Variants in SRFBP1 observed in about 807,000 individuals in gnomAD.
The protein encoded by SRFBP1 is serum response factor binding protein 1.
A neutral mutation model predicts 45.5 loss-of-function variants in SRFBP1; 47 were observed. That is an observed-to-expected ratio of 1.03 (90% confidence interval 0.82 to 1.32). SRFBP1 has a LOEUF of 1.32. SRFBP1 is among the 40% of genes most tolerant of loss of function. SRFBP1 has a pLI of 0.00. For synonymous variants in SRFBP1, 203 were observed against 166.3 expected, an observed-to-expected ratio of 1.22 and a Z score of -1.70; for missense variants, 621 against 484.6, an observed-to-expected ratio of 1.28 and a Z score of -2.64.
intron 1 of SRFBP1, among the ~76,000 whole-genome samples, chr5:121,965,445 G>C (rs1213808688): frequency 1.3e-5 from 2 of 152,166 alleles, no homozygotes; most frequent in Non-Finnish European, 2.9e-5. Context: ...ATTAAATAGG[G>C]AATCATTTCC....
chr5:122,066,829 A>G, intron 2 of SRFBP1: 1 of 913,780 alleles, frequency 1.1e-6, no homozygotes, highest in Non-Finnish European at 1.8e-6. Context: ...TTTAAAGTCA[A>G]CCTTTTAAAA....
chr5:122,072,794 G>A (rs140828694), intron 2 of SRFBP1, among the ~76,000 whole-genome samples: 12 of 152,190 alleles, frequency 7.9e-5, no homozygotes, highest in African/African-American at 2.9e-4. Context: ...CCCAAAGAAG[G>A]GGGGGAACCA....
chr5:122,050,490 A>C (rs576894211), intron 2 of SRFBP1, among the ~76,000 whole-genome samples: 1 of 152,238 alleles, frequency 6.6e-6, no homozygotes, highest in South Asian at 2.1e-4. Context: ...GTGTCCAGGA[A>C]TTTATCCATT....
At chr5:122,013,223 T>A (rs1488478233) in intron 4 of SRFBP1, among the ~76,000 whole-genome samples, 2 of 152,160 alleles carry the variant, frequency 1.3e-5, no homozygotes, top group East Asian at 3.8e-4. Context: ...TATATTTTGT[T>A]AAGTATTCTT....
intron 1 of SRFBP1, among the ~76,000 whole-genome samples, chr5:121,971,389 C>T (rs971752460): frequency 3.3e-5 from 5 of 151,992 alleles, no homozygotes; most frequent in Admixed American, 2.6e-4. Flanking sequence ...CCTCTAAAGA[C>T]CTTTAGGTGT....
intron 2 of SRFBP1, among the ~76,000 whole-genome samples, chr5:122,038,987 A>G (rs1230341495): frequency 6.6e-6 from 1 of 152,190 alleles, no homozygotes; most frequent in Admixed American, 6.5e-5. Context: ...AAAAATCTCC[A>G]AGAGGATGGC....
Position 122,074,116 on chromosome 5 carries a change from G to C in SRFBP1, n.312-1199G>C, listed in dbSNP as rs1754541782. On this transcript the variant is annotated intron_variant and non_coding_transcript_variant, in intron 2 of 2. Coordinates refer to the SRFBP1 transcript ENST00000504881. ...GTGGCCTTCAGCCACTCTCCTCTGG[G>C]TGTTGGCATCAAGCAGGTCATAGTG... The C allele has an allele frequency of 1.2e-6, 2 of 1,613,920 alleles. No individual in the cohort carries two copies. Among genetic ancestry groups the C allele is most frequent in the Admixed American group, 1.7e-5 (1 of 60,010 alleles).
intron 2 of SRFBP1, among the ~76,000 whole-genome samples, chr5:122,037,737 C>T (rs557338971): frequency 1.3e-5 from 2 of 151,976 alleles, no homozygotes; most frequent in South Asian, 4.2e-4. Context: ...AGGCTGATCT[C>T]AAACGCCTGG....
chr5:121,969,641 C>T (rs1405708319), intron 1 of SRFBP1, among the ~76,000 whole-genome samples: 1 of 151,992 alleles, frequency 6.6e-6, no homozygotes, highest in Non-Finnish European at 1.5e-5. Flanking sequence ...AATTTCTAGG[C>T]GATACTTCAC....
At chr5:122,035,432 CT>C (rs1390416076) in intron 2 of SRFBP1, among the ~76,000 whole-genome samples, 1 of 152,112 alleles carries the variant, frequency 6.6e-6, no homozygotes, top group African/African-American at 2.4e-5. Context: ...TAATCAAATA[CT>C]TCTTACCTTT....
chr5:121,965,616 G>C (rs1306395629), intron 1 of SRFBP1, among the ~76,000 whole-genome samples: 1 of 152,156 alleles, frequency 6.6e-6, no homozygotes, highest in Non-Finnish European at 1.5e-5. Flanking sequence ...TTTGAAGTCA[G>C]GTAGCATGAT....
At chr5:121,982,268 T>C (rs995660379) in intron 3 of SRFBP1, among the ~76,000 whole-genome samples, 21 of 151,922 alleles carry the variant, frequency 1.4e-4, no homozygotes, top group African/African-American at 4.6e-4. Context: ...ACCTTTAAAA[T>C]TATAAACAGG....
chr5:121,989,724 C>T (rs1752585007), intron 3 of SRFBP1, among the ~76,000 whole-genome samples: 2 of 152,164 alleles, frequency 1.3e-5, no homozygotes, highest in African/African-American at 2.4e-5. Context: ...AATGTAGTTT[C>T]TCAGCCATTC....
chr5:121,994,038 A>G (rs938657251), intron 3 of SRFBP1, among the ~76,000 whole-genome samples: 11 of 152,038 alleles, frequency 7.2e-5, no homozygotes, highest in African/African-American at 2.4e-4. Context: ...AGAAGATACA[A>G]TTGTTGTTAA....
At chr5:122,049,477 A>G (rs1451258414) in intron 2 of SRFBP1, among the ~76,000 whole-genome samples, 4 of 152,152 alleles carry the variant, frequency 2.6e-5, no homozygotes, top group Non-Finnish European at 5.9e-5. Context: ...CGAGACAGAA[A>G]GTTAACAAGG....
At chr5:121,978,010 G>A (rs1216044386) in intron 3 of SRFBP1, among the ~76,000 whole-genome samples, 2 of 152,058 alleles carry the variant, frequency 1.3e-5, no homozygotes, top group African/African-American at 4.8e-5. Flanking sequence ...AGTTAAATTA[G>A]CCTATCAACA....
rs529364987 is a variant in SRFBP1, at chr5:122,051,254, G to C, written n.312-24061G>C. On this transcript the variant is annotated intron_variant and non_coding_transcript_variant, in intron 2 of 2. Coordinates refer to the SRFBP1 transcript ENST00000504881. ...ATATTCTGTTGTTTTGGGGTGTAGA[G>C]TTCTGTCTGTTAGGTCCATTTGGTC... 5.3e-5 allele frequency among the ~76,000 whole-genome samples: 8 copies of C among 152,220 alleles called. No homozygotes were observed. The South Asian group carries it at 1.2e-3, about 24-fold the overall frequency.
At chr5:122,009,793 A>G (rs538000456) in intron 4 of SRFBP1, among the ~76,000 whole-genome samples, 29 of 150,670 alleles carry the variant, frequency 1.9e-4, no homozygotes, top group Admixed American at 1.4e-3. Context: ...AATGGCAAGG[A>G]TAATTCCCAT....
At chr5:122,026,128 A>C (rs1753474498) in intron 7 of SRFBP1, among the ~76,000 whole-genome samples, 1 of 152,190 alleles carries the variant, frequency 6.6e-6, no homozygotes, top group Admixed American at 6.5e-5. Flanking sequence ...CCTAACTTGC[A>C]ATGGAGAAAT....
Sources: gnomAD v4.1 joint callset for allele counts (sites outside exome capture counted in the v4.1 genomes callset) on GRCh38, gnomAD v4.1.1 for gene constraint, MANE v1.5 for transcripts, NCBI Gene and HGNC (gene_info 2026-07-23, HGNC 2026-07-21) for gene names.